DIAPH2: variants seen among roughly 807,000 people sequenced by gnomAD.
DIAPH2 encodes the protein protein diaphanous homolog 2.
Under a neutral mutation model 92.7 loss-of-function variants are expected in DIAPH2, and 35 were observed. The ratio of observed to expected loss-of-function variants is 0.38; its 90% CI spans 0.29 to 0.50. DIAPH2 has a LOEUF of 0.50. Among genes scored for constraint, DIAPH2 ranks in the 20% least tolerant of loss-of-function variants. The pLI is 0.94. For missense variants in DIAPH2, 701 were observed against 819.5 expected, an observed-to-expected ratio of 0.86 and a Z score of 1.77; for synonymous variants, 301 against 280.4, an observed-to-expected ratio of 1.07 and a Z score of -0.73.
chrX:96,840,949 G>GT (rs1481457960), intron 4 of DIAPH2, among the ~76,000 whole-genome samples: 1 of 111,616 alleles, frequency 9.0e-6, no homozygotes, highest in Non-Finnish European at 1.9e-5. Context: ...TTCTCTTCTA[G>GT]TTTTGGATAT....
At chrX:97,406,902 G>C (rs1373446892) in intron 25 of DIAPH2, among the ~76,000 whole-genome samples, 13 of 111,187 alleles carry the variant, frequency 1.2e-4, no homozygotes, top group African/African-American at 4.2e-4. Flanking sequence ...CAACCATTTT[G>C]GCAAATACCA....
chrX:97,527,853 G>C (rs1395855386), intron 26 of DIAPH2, among the ~76,000 whole-genome samples: 1 of 111,662 alleles, frequency 9.0e-6, no homozygotes, highest in Non-Finnish European at 1.9e-5. Context: ...TCTTTATCAA[G>C]TCTAACTGAT....
At chrX:97,435,788 C>T (rs1047200234) in intron 26 of DIAPH2, among the ~76,000 whole-genome samples, 2 of 108,254 alleles carry the variant, frequency 1.8e-5, no homozygotes, top group Non-Finnish European at 3.8e-5. Context: ...GTGAAAATGA[C>T]TCTTTTTTTT....
chrX:97,130,913 T>A lies in DIAPH2; in HGVS notation c.2590-10752T>A, dbSNP rs1045581715. Among the ~76,000 whole-genome samples, 3 of 110,480 alleles carry A rather than the reference T, an allele frequency of 2.7e-5. No individual in the cohort carries two copies. In the Admixed American group the frequency reaches 2.9e-4, roughly 11 times the overall value. ...TGAGCCCAGGATTTTGAGACCAGCC[T>A]GAGCAACATGGCAAAACCCCATCTC... On this transcript the variant is annotated intron_variant, in intron 21 of 26. Coordinates refer to ENST00000324765, the MANE Select transcript of DIAPH2 (RefSeq NM_006729.5).
At chrX:97,552,348 GATAAACTA>G (rs2071226033) in intron 26 of DIAPH2, among the ~76,000 whole-genome samples, 1 of 111,728 alleles carries the variant, frequency 9.0e-6, no homozygotes, top group Non-Finnish European at 1.9e-5. Flanking sequence ...GGAAAAAACA[GATAAACTA>G]ATAAACTGAA....
intron 23 of DIAPH2, among the ~76,000 whole-genome samples, chrX:97,277,297 C>T (rs1360835835): frequency 1.8e-5 from 2 of 110,882 alleles, no homozygotes; most frequent in African/African-American, 6.6e-5. Flanking sequence ...GAGATTGCGC[C>T]ACTACACTCC....
At chrX:97,567,983 G>C (rs931395542) in intron 26 of DIAPH2, among the ~76,000 whole-genome samples, 1 of 108,032 alleles carries the variant, frequency 9.3e-6, no homozygotes, top group Non-Finnish European at 1.9e-5. Context: ...GGGCATGGTG[G>C]TGCGTGCCTG....
chrX:97,512,091 T>C (rs1262330834), intron 26 of DIAPH2, among the ~76,000 whole-genome samples: 3 of 112,800 alleles, frequency 2.7e-5, no homozygotes, highest in Non-Finnish European at 3.8e-5. Context: ...ATGGTACCAG[T>C]TCCTCCTTGT....
chrX:96,919,110 T>A (rs2065524340), intron 9 of DIAPH2, among the ~76,000 whole-genome samples: 1 of 111,961 alleles, frequency 8.9e-6, no homozygotes, highest in African/African-American at 3.2e-5. Context: ...ACTAAATGCC[T>A]CCTTTAGAAA....
rs181381645 is a variant in DIAPH2, at chrX:96,976,015, C to T, written c.2050+10808C>T. On this transcript the variant is annotated intron_variant, in intron 17 of 26. Coordinates refer to ENST00000324765, the MANE Select transcript of DIAPH2 (RefSeq NM_006729.5). ...TCCCTCCTTCCCTCTCTCCCTCCCT[C>T]CCTCCCTCCCTTCCTTCCTTCTTTT... Among the ~76,000 whole-genome samples, 640 of 96,362 alleles carry T rather than the reference C, an allele frequency of 6.6e-3. 5 individuals are homozygous for T. Among genetic ancestry groups the T allele is most frequent in the Middle Eastern group, 0.01 (2 of 198 alleles). The allele number at this position is 96,362 out of a possible 115,157, so 83.7% of individuals were successfully genotyped here.
At chrX:97,131,592 A>G (rs2067138681) in intron 21 of DIAPH2, among the ~76,000 whole-genome samples, 1 of 112,192 alleles carries the variant, frequency 8.9e-6, no homozygotes, top group Admixed American at 9.5e-5. Context: ...CCTCATACAT[A>G]TAAAACAATT....
At chrX:97,454,728 G>A (rs1325480147) in intron 26 of DIAPH2, among the ~76,000 whole-genome samples, 2 of 110,111 alleles carry the variant, frequency 1.8e-5, no homozygotes, top group East Asian at 2.9e-4. Context: ...GGTGGTGCAC[G>A]CCTGTAGTCC....
intron 22 of DIAPH2, among the ~76,000 whole-genome samples, chrX:97,181,818 T>G (rs2067542819): frequency 8.9e-6 from 1 of 112,672 alleles, no homozygotes; most frequent in Non-Finnish European, 1.9e-5. Flanking sequence ...TATAAGTAGG[T>G]AACCATTTTA....
At position 96,916,495 on chromosome X, in the gene DIAPH2, A is replaced by G. The variant is rs372651778; in HGVS notation, c.790A>G (p.Ile264Val). 1.6e-5 allele frequency: 19 copies of G among 1,201,946 alleles called. No individual in the cohort carries two copies. Among genetic ancestry groups the G allele is most frequent in the Admixed American group, 6.7e-5 (3 of 44,890 alleles). Reference protein sequence around the residue: ...ERSLLLLARAIDPKQPNMMTE... With the variant: ...ERSLLLLARAVDPKQPNMMTE... Reference sequence around the variant, plus strand: ...AAGTCTTTTACTATTGGCAAGAGCAATTGACCCCAAACAACCCAACATGAT... The same window carrying G: ...AAGTCTTTTACTATTGGCAAGAGCAGTTGACCCCAAACAACCCAACATGAT... The change falls in exon 8 of 27, where the codon ATT becomes GTT. Residue 264 changes from isoleucine to valine, a missense_variant. Physicochemically the swap from Ile to Val is conservative, Grantham distance 29. Coordinates refer to ENST00000324765, the MANE Select transcript of DIAPH2 (RefSeq NM_006729.5).
chrX:97,522,861 G>A (rs1429685110), intron 26 of DIAPH2, among the ~76,000 whole-genome samples: 1 of 112,544 alleles, frequency 8.9e-6, no homozygotes, highest in African/African-American at 3.2e-5. Flanking sequence ...GACCTCCCTA[G>A]TGGTCTGTCT....
chrX:96,892,464 C>A (rs937666412), intron 5 of DIAPH2, among the ~76,000 whole-genome samples: 2 of 111,551 alleles, frequency 1.8e-5, no homozygotes, highest in African/African-American at 3.3e-5. Flanking sequence ...AATTTATATG[C>A]CTTTTGTTAA....
chrX:97,034,668 T>G (rs999295469), intron 17 of DIAPH2, among the ~76,000 whole-genome samples: 1 of 111,339 alleles, frequency 9.0e-6, no homozygotes, highest in African/African-American at 3.3e-5. Context: ...ACCTCCTCTT[T>G]TCTCGTATAA....
chrX:97,137,124 C>A (rs1453656622), intron 21 of DIAPH2, among the ~76,000 whole-genome samples: 1 of 107,288 alleles, frequency 9.3e-6, no homozygotes, highest in Non-Finnish European at 1.9e-5. Context: ...AAAAAATGTA[C>A]AGTGCTACAT....
intron 5 of DIAPH2, among the ~76,000 whole-genome samples, chrX:96,888,460 T>C (rs1336922015): frequency 1.9e-5 from 2 of 105,766 alleles, no homozygotes; most frequent in African/African-American, 6.8e-5. Context: ...ATGTGTGATA[T>C]GTGTTTTTTA....
Sources: allele counts gnomAD v4.1 joint callset (sites outside exome capture counted in the v4.1 genomes callset), GRCh38; gene constraint gnomAD v4.1.1; transcripts MANE v1.5; gene names NCBI Gene and HGNC (gene_info 2026-07-23, HGNC 2026-07-21).